Variants in DNMBP observed in about 807,000 individuals in gnomAD.
DNMBP encodes dynamin-binding protein.
In DNMBP, 87 loss-of-function variants were observed where a neutral mutation model predicts 150.0. That is an observed-to-expected ratio of 0.58 (90% confidence interval 0.49 to 0.69). DNMBP has a LOEUF of 0.69. DNMBP is among the 30% of genes least tolerant of loss of function. The pLI, the probability that DNMBP is intolerant of heterozygous loss-of-function variation, is 0.00. For missense variants in DNMBP, 1,774 were observed against 1,949.0 expected, an observed-to-expected ratio of 0.91 and a Z score of 1.69; for synonymous variants, 711 against 750.4, an observed-to-expected ratio of 0.95 and a Z score of 0.86.
intron 14 of DNMBP, 52 bp downstream of exon 14, chr10:99,885,635 G>A (rs1489557003): frequency 1.3e-6 from 2 of 1,495,092 alleles, no homozygotes. Flanking sequence ...TGGCTGCAGG[G>A]TTCCCCCTCT....
At position 99,886,547 on chromosome 10, in the gene DNMBP, C is replaced by T. The variant is rs1474832061; in HGVS notation, c.3371G>A (p.Arg1124His). 3.7e-6 allele frequency: 6 copies of T among 1,614,150 alleles called. No individual in the cohort carries two copies. The highest frequency in any genetic ancestry group is 1.1e-5 in the South Asian group (1 of 91,090). The change falls in exon 13 of 17, where the codon CGC (arginine) becomes CAC (histidine). Residue 1124 changes from arginine (R) to histidine (H), a missense_variant. Transcript: ENST00000324109. ...FTGPHKLVQK[R>H]FDKLLDFYNC... ...ATAGAAGTCCAGGAGCTTGTCAAAGCGTTTCTGTACCAGCTTATGGGGCCC... is the reference window on the plus strand; with the variant it reads ...ATAGAAGTCCAGGAGCTTGTCAAAGTGTTTCTGTACCAGCTTATGGGGCCC...
intron 6 of DNMBP, among the ~76,000 whole-genome samples, chr10:99,906,801 G>A (rs145403385): frequency 5.9e-5 from 9 of 152,234 alleles, no homozygotes; most frequent in Admixed American, 2.0e-4. Flanking sequence ...ACCACCCAGC[G>A]GAGCCACCTC....
intron 4 of DNMBP, chr10:99,914,133 A>G: frequency 7.6e-7 from 1 of 1,320,614 alleles, no homozygotes; most frequent in Non-Finnish European, 9.8e-7. Context: ...GGGCTATCAC[A>G]GCAGGGCTTG....
intron 4 of DNMBP, among the ~76,000 whole-genome samples, chr10:99,953,388 C>G (rs561433900): frequency 1.6e-4 from 25 of 152,062 alleles, no homozygotes; most frequent in Non-Finnish European, 2.9e-4. Context: ...CTTGAGCCTA[C>G]TCAATATCTA....
intron 1 of DNMBP, among the ~76,000 whole-genome samples, chr10:100,001,554 G>A (rs2041013288): frequency 6.6e-6 from 1 of 151,502 alleles, no homozygotes; most frequent in African/African-American, 2.4e-5. Context: ...TAGGACTACA[G>A]GCACATGCCA....
Position 99,886,350 on chromosome 10 carries a change from G to A in DNMBP, c.3568C>T (p.His1190Tyr). The A allele has an allele frequency of 1.2e-6, 2 of 1,614,158 alleles. No homozygotes were observed. Among genetic ancestry groups the A allele is most frequent in the South Asian group, 1.1e-5 (1 of 91,076 alleles). ...TNCVHGYAEA[H>Y]CDFVHQALEQ... ...AGAGCCTGGTGCACAAAGTCACAGT[G>A]GGCTTCAGCATAGCCGTGGACACAG... is the stretch of plus-strand genomic sequence containing the variant. The change falls in exon 13 of 17, where the codon CAC becomes TAC. Residue 1190 changes from histidine (H) to tyrosine (Y), a missense_variant. By Grantham distance (83) the His-to-Tyr change is moderately conservative (BLOSUM62 2). Transcript: ENST00000324109.
intron 3 of DNMBP, among the ~76,000 whole-genome samples, chr10:99,961,951 G>A (rs2040569712): frequency 6.7e-6 from 1 of 149,502 alleles, no homozygotes; most frequent in Non-Finnish European, 1.5e-5. Context: ...TCTCACCTAT[G>A]ATATGAGACC....
At chr10:99,957,275 G>T in intron 3 of DNMBP, 70 bp from the exon 4 acceptor site, 2 of 1,348,056 alleles carry the variant, frequency 1.5e-6, no homozygotes, top group South Asian at 2.7e-5. Flanking sequence ...GACTAATAGT[G>T]CAACCTCTCA....
chr10:99,887,020 AGTT>A (rs1262089170), intron 12 of DNMBP, among the ~76,000 whole-genome samples: 1 of 152,168 alleles, frequency 6.6e-6, no homozygotes, highest in Non-Finnish European at 1.5e-5. Flanking sequence ...CTCCAGAGTT[AGTT>A]GTTACATAAA....
At chr10:99,890,214 G>A (rs2039535982) in intron 11 of DNMBP, among the ~76,000 whole-genome samples, 1 of 152,164 alleles carries the variant, frequency 6.6e-6, no homozygotes, top group East Asian at 1.9e-4. Context: ...TTCTTTTAAA[G>A]GAATGTTATA....
Position 99,898,235 on chromosome 10 carries a change from T to C in DNMBP, c.2771A>G (p.Gln924Arg). ...CAACAGCGGGTAACGCATTACTCTC[T>C]GTACTGGTTTGATGAGGAAGGAGCC... ...NLGSFLIKPV[Q>R]RVMRYPLLLM... Residue 924 changes from glutamine (Q) to arginine (R), a missense_variant, in exon 9 of 17, where the codon CAG becomes CGG. Transcript: ENST00000324109. The C allele has an allele frequency of 6.2e-7, 1 of 1,614,086 alleles. No individual in the cohort carries two copies. The highest frequency in any genetic ancestry group is 8.5e-7 in the Non-Finnish European group (1 of 1,179,954).
chr10:99,995,701 A>C (rs1222040377), intron 1 of DNMBP, among the ~76,000 whole-genome samples: 1 of 152,126 alleles, frequency 6.6e-6, no homozygotes, highest in Non-Finnish European at 1.5e-5. Context: ...TGATGGACAG[A>C]AATAAAAGTG....
Position 99,964,242 on chromosome 10 carries a change from G to C in DNMBP, c.268+4873C>G, listed in dbSNP as rs532778009. Reference sequence around the variant, plus strand: ...GCTGCAACCTCTGCTTTCCGGGTTCGAGCAATTTCTCCTGCCTCAGCCTCC... The same window carrying C: ...GCTGCAACCTCTGCTTTCCGGGTTCCAGCAATTTCTCCTGCCTCAGCCTCC... On this transcript the variant is annotated intron_variant, in intron 3 of 16. Coordinates refer to ENST00000324109, the MANE Select transcript of DNMBP (RefSeq NM_015221.4). 2.1e-5 allele frequency among the ~76,000 whole-genome samples: 3 copies of C among 146,126 alleles called. No homozygotes were observed. In the Admixed American group the frequency reaches 2.1e-4, roughly 10 times the overall value.
intron 5 of DNMBP, 38 bp from the exon 6 acceptor site, chr10:99,908,132 T>C: frequency 7.1e-7 from 1 of 1,410,730 alleles, no homozygotes. Context: ...TGCACGGAAA[T>C]GAGCTTAATG....
At chr10:99,978,092 T>C (rs1385947841) in intron 1 of DNMBP, among the ~76,000 whole-genome samples, 1 of 152,202 alleles carries the variant, frequency 6.6e-6, no homozygotes, top group Non-Finnish European at 1.5e-5. Flanking sequence ...CTCCGCAAGG[T>C]AGACAGCAAG....
chr10:99,996,734 T>C (rs2040955311), intron 1 of DNMBP, among the ~76,000 whole-genome samples: 1 of 152,212 alleles, frequency 6.6e-6, no homozygotes, highest in Non-Finnish European at 1.5e-5. Context: ...AATATTGACA[T>C]TGAGATACTT....
intron 3 of DNMBP, chr10:99,957,411 A>G (rs1564746202): frequency 3.4e-6 from 2 of 596,124 alleles, no homozygotes; most frequent in East Asian, 5.6e-5. Context: ...ATGGAACCCT[A>G]CAGGTGGGTC....
intron 12 of DNMBP, among the ~76,000 whole-genome samples, chr10:99,886,929 T>C (rs776838275): frequency 1.2e-4 from 18 of 152,202 alleles, no homozygotes; most frequent in Non-Finnish European, 1.9e-4. Context: ...CACACTGATA[T>C]GATGTGTGCA....
In DNMBP at chr10:99,879,944, G is replaced by C; in HGVS notation, c.4415C>G (p.Pro1472Arg). 1 of 1,614,180 alleles carries C rather than the reference G, an allele frequency of 6.2e-7. No homozygotes were observed. Among genetic ancestry groups the C allele is most frequent in the Non-Finnish European group, 8.5e-7 (1 of 1,180,040 alleles). The change falls in exon 16 of 17, where the codon CCA becomes CGA. Residue 1472 changes from proline (P) to arginine (R), a missense_variant. Coordinates refer to ENST00000324109, the MANE Select transcript of DNMBP (RefSeq NM_015221.4). ...TGGTACGGAGTAGCCAACTATTTCTGGATGCCTGAAGTTCCGGTAGCTCCT... is the reference window on the plus strand; with the variant it reads ...TGGTACGGAGTAGCCAACTATTTCTCGATGCCTGAAGTTCCGGTAGCTCCT... ...TPRSYRNFRH[P>R]EIVGYSVPGR...
Sources: gnomAD v4.1 joint callset for allele counts (sites outside exome capture counted in the v4.1 genomes callset) on GRCh38, gnomAD v4.1.1 for gene constraint, MANE v1.5 for transcripts, NCBI Gene and HGNC (gene_info 2026-07-23, HGNC 2026-07-21) for gene names.